The following CSK variants were observed in gnomAD, a reference collection of about 807,000 sequenced individuals.
The protein encoded by CSK is tyrosine-protein kinase CSK.
In CSK, 7 loss-of-function variants were observed where a neutral mutation model predicts 62.3. The observed-to-expected ratio is 0.11, with a 90% CI of 0.06 to 0.21. The LOEUF (loss-of-function observed/expected upper bound fraction) is 0.21, where lower values mean the gene tolerates loss of function less well. CSK is among the 10% of genes least tolerant of loss of function. The pLI is 1.00. For missense variants in CSK, 294 were observed against 613.5 expected (o/e 0.48, Z 5.50); for synonymous variants, 237 against 246.0 (o/e 0.96, Z 0.34).
rs764294944 is a variant in CSK, at chr15:74,798,251, A to G, written c.-47A>G. On this transcript the variant is annotated 5_prime_UTR_variant, in exon 2 of 13. Coordinates refer to ENST00000220003, the MANE Select transcript of CSK (RefSeq NM_004383.3). This position sits in a 1 kb window ranked among gnomAD's most constrained non-coding sequence, Gnocchi z 6.6. The stretch of plus-strand genomic sequence containing the variant: ...CCCACAGCTCTAATGGTACCAAGTG[A>G]CAGGTTGGCTTTACTGTGACTCGGG... 1.3e-6 allele frequency: 2 copies of G among 1,538,322 alleles called. No individual in the cohort carries two copies. The highest frequency in any genetic ancestry group is 1.7e-6 in the Non-Finnish European group (2 of 1,142,940).
At position 74,798,757 on chromosome 15, in the gene CSK, C is replaced by T. The variant is rs140178985; in HGVS notation, c.129+29C>T. ...ATCAGGTGACGCCCACCCCACCATCCCACTGCTGGGCCTTCCCTCTGCAGG... is the reference window on the plus strand; with the variant it reads ...ATCAGGTGACGCCCACCCCACCATCTCACTGCTGGGCCTTCCCTCTGCAGG... On this transcript the variant is annotated intron_variant, in intron 3 of 12. Transcript: ENST00000220003. The surrounding 1 kb of genome is among the most constrained non-coding windows in gnomAD (Gnocchi z 6.6). 6.2e-7 allele frequency: 1 copy of T among 1,608,728 alleles called. No homozygotes were observed.
intron 1 of CSK, among the ~76,000 whole-genome samples, chr15:74,796,715 A>G (rs976906809): frequency 4.6e-5 from 7 of 152,188 alleles, no homozygotes; most frequent in African/African-American, 1.4e-4. Flanking sequence ...GCAATGGTAC[A>G]GCTCAGTGAA....
intron 9 of CSK, among the ~76,000 whole-genome samples, 158 bp from the exon 10 acceptor site, chr15:74,801,364 C>T (rs2063789736): frequency 6.6e-6 from 1 of 152,160 alleles, no homozygotes; most frequent in Non-Finnish European, 1.5e-5. Flanking sequence ...GCATGAATAA[C>T]ACAGAGCAGT....
chr15:74,786,827 G>T (rs547189945), intron 1 of CSK, among the ~76,000 whole-genome samples: 1 of 152,308 alleles, frequency 6.6e-6, no homozygotes, highest in South Asian at 2.1e-4. Flanking sequence ...TAAGGAAGGG[G>T]TCCTCCCCCA....
intron 1 of CSK, among the ~76,000 whole-genome samples, chr15:74,791,259 T>TC (rs34080998): frequency 2.0e-5 from 3 of 152,320 alleles, no homozygotes; most frequent in South Asian, 2.1e-4. Context: ...GCTTTTTTTT[T>TC]CACAGCCTTT....
In CSK at chr15:74,802,789, T is replaced by C. The variant is rs984125598; in HGVS notation, c.*276T>C. The C allele has an allele frequency of 4.4e-4, 179 of 408,504 alleles. 3 individuals are homozygous for C. In the Admixed American group the frequency reaches 8.2e-3, roughly 19 times the overall value. 25.3% of individuals were successfully genotyped at this position (408,504 alleles called of 1,614,324 possible). On this transcript the variant is annotated 3_prime_UTR_variant, in exon 13 of 13. Coordinates refer to ENST00000220003, the MANE Select transcript of CSK (RefSeq NM_004383.3). ...TTCCCTGGCCTCCCGCCACTCGCCT[T>C]CTTAGAGTTTTATTCCTTTCCTTTT...
chr15:74,793,582 C>G (rs891393179), intron 1 of CSK, among the ~76,000 whole-genome samples: 10 of 152,178 alleles, frequency 6.6e-5, no homozygotes, highest in Non-Finnish European at 1.3e-4. Flanking sequence ...CCCTGTGGGC[C>G]TCACTTGGGG....
rs751293571 is a variant in CSK at position 74,798,955 on chromosome 15, G to A, written c.242+17G>A. The stretch of plus-strand genomic sequence containing the variant: ...CCTCATGCCGTGAGTACCACGAGGA[G>A]GGGTTGGGGAGGGAAGGGGCCTTGG... On this transcript the variant is annotated intron_variant, in intron 4 of 12. Coordinates refer to ENST00000220003, the MANE Select transcript of CSK (RefSeq NM_004383.3). The surrounding 1 kb of genome is among the most constrained non-coding windows in gnomAD (Gnocchi z 6.6). The A allele has an allele frequency of 3.4e-6, 5 of 1,489,120 alleles. No homozygotes were observed. The East Asian group carries it at 9.3e-5, about 28-fold the overall frequency. 92.2% of individuals were successfully genotyped at this position (1,489,120 alleles called of 1,614,324 possible). A position where few individuals can be genotyped will look rare whatever the true frequency, so the allele number is the denominator to read the frequency against.
At chr15:74,795,726 C>T (rs1027041088) in intron 1 of CSK, among the ~76,000 whole-genome samples, 5 of 152,090 alleles carry the variant, frequency 3.3e-5, no homozygotes, top group African/African-American at 1.2e-4. Context: ...CCTTGAACAA[C>T]ACAGGGGTTG....
chr15:74,798,061 T>C lies in CSK; in HGVS notation c.-65-172T>C. On this transcript the variant is annotated intron_variant, in intron 1 of 12. Coordinates refer to ENST00000220003, the MANE Select transcript of CSK (RefSeq NM_004383.3). This position sits in a 1 kb window ranked among gnomAD's most constrained non-coding sequence, Gnocchi z 6.6. ...TGCCCCTGGGGGTCCTCAGCCCTCA[T>C]GCTCCTCTACCCAGTACCGTCAGCC... is the stretch of plus-strand genomic sequence containing the variant. 2.1e-6 allele frequency: 1 copy of C among 485,286 alleles called. No homozygotes were observed. Among genetic ancestry groups the C allele is most frequent in the Non-Finnish European group, 3.7e-6 (1 of 272,956 alleles). 30.1% of individuals were successfully genotyped at this position (485,286 alleles called of 1,614,324 possible). A position where few individuals can be genotyped will look rare whatever the true frequency, so the allele number is the denominator to read the frequency against.
intron 1 of CSK, among the ~76,000 whole-genome samples, chr15:74,783,476 A>G (rs2063468873): frequency 6.6e-6 from 1 of 152,194 alleles, no homozygotes; most frequent in Admixed American, 6.5e-5. Context: ...ACACCCGGGA[A>G]CCGAGGCTCA....
chr15:74,796,465 A>G (rs918410345), intron 1 of CSK, among the ~76,000 whole-genome samples: 1 of 151,968 alleles, frequency 6.6e-6, no homozygotes, highest in Admixed American at 6.6e-5. Flanking sequence ...GTGGTGGCGC[A>G]TGCCTGTGGT....
intron 1 of CSK, among the ~76,000 whole-genome samples, chr15:74,794,324 A>C (rs1173943910): frequency 6.5e-5 from 4 of 61,986 alleles, no homozygotes; most frequent in Admixed American, 2.1e-4. Context: ...CGCCACCCCC[A>C]CCCCCACAGC....
In CSK at chr15:74,801,116, G is replaced by A. The variant is rs749999050; in HGVS notation, c.813+14G>A. 6 of 1,612,968 alleles carry A rather than the reference G, an allele frequency of 3.7e-6. No individual in the cohort carries two copies. The highest frequency in any genetic ancestry group is 2.2e-5 in the South Asian group (2 of 91,044). ...TACATGGCCAAGGTGGGCACCTGCCGAGACCCGGCACTCAGGCCTTCCAAC... is the reference window on the plus strand; with the variant it reads ...TACATGGCCAAGGTGGGCACCTGCCAAGACCCGGCACTCAGGCCTTCCAAC... On this transcript the variant is annotated intron_variant, in intron 9 of 12. Transcript: ENST00000220003.
At position 74,801,495 on chromosome 15, in the gene CSK, G is replaced by A. The variant is rs186589171; in HGVS notation, c.814-27G>A. 368 of 1,602,590 alleles carry A rather than the reference G, an allele frequency of 2.3e-4. 2 individuals are homozygous for A. The highest frequency in any genetic ancestry group is 1.9e-3 in the Admixed American group (112 of 59,126). ...AGGGCTGCAGGGCACGTCTGACCTC[G>A]GCCTGGTCTGTCCTTCCTGCCCCCA... On this transcript the variant is annotated intron_variant, in intron 9 of 12. Transcript: ENST00000220003.
Position 74,802,747 on chromosome 15 carries a change from G to A in CSK, c.*234G>A, listed in dbSNP as rs1008247220. 3.8e-5 allele frequency: 18 copies of A among 478,692 alleles called. No homozygotes were observed. The highest frequency in any genetic ancestry group is 2.5e-4 in the African/African-American group (12 of 48,878). The allele number at this position is 478,692 out of a possible 1,614,324, so 29.7% of individuals were successfully genotyped here. A position where few individuals can be genotyped will look rare whatever the true frequency, so the allele number is the denominator to read the frequency against. ...AGGAGGCCACGGAGCGGGAGGCAGCGCCCCACCACGTCGGGCTTCCCTGGC... is the reference window on the plus strand; with the variant it reads ...AGGAGGCCACGGAGCGGGAGGCAGCACCCCACCACGTCGGGCTTCCCTGGC... On this transcript the variant is annotated 3_prime_UTR_variant, in exon 13 of 13. Coordinates refer to ENST00000220003, the MANE Select transcript of CSK (RefSeq NM_004383.3).
Position 74,800,678 on chromosome 15 carries a change from C to CTCCTTCCCTGTCTCACACCTCCCTGG in CSK, c.557-3_557-2insTCCTTCCCTGTCTCACACCTCCCTGG. ...CCAGGCCCTCACTGGCCCCTCCCCA[C>CTCCTTCCCTGTCTCACACCTCCCTGG]AGGCGGCTGGGCCCTGAACATGAAG... On this transcript the variant is annotated splice_polypyrimidine_tract_variant and splice_region_variant and intron_variant, in intron 6 of 12. Transcript: ENST00000220003. The CTCCTTCCCTGTCTCACACCTCCCTGG allele has an allele frequency of 6.5e-7, 1 of 1,546,558 alleles. No homozygotes were observed. The highest frequency in any genetic ancestry group is 8.7e-7 in the Non-Finnish European group (1 of 1,143,790).
Position 74,786,000 on chromosome 15 carries a change from C to CTTTTTTTTTTTTTTTTTTTTTTTTT in CSK, c.-66+3281_-66+3282insTTTTTTTTTTTTTTTTTTTTTTTTT, listed in dbSNP as rs1232728038. The stretch of plus-strand genomic sequence containing the variant: ...CAAGGCCTCTTCTCTCTCTCTCTCT[C>CTTTTTTTTTTTTTTTTTTTTTTTTT]TCTTTTTTTTTTTTGTGTGTGTGTG... On this transcript the variant is annotated intron_variant, in intron 1 of 12. Coordinates refer to ENST00000220003, the MANE Select transcript of CSK (RefSeq NM_004383.3). Among the ~76,000 whole-genome samples the CTTTTTTTTTTTTTTTTTTTTTTTTT allele has an allele frequency of 8.3e-5, 5 of 59,936 alleles. 2 individuals are homozygous for CTTTTTTTTTTTTTTTTTTTTTTTTT. The highest frequency in any genetic ancestry group is 1.8e-4 in the Non-Finnish European group (5 of 27,462). 39.3% of individuals were successfully genotyped at this position (59,936 alleles called of 152,430 possible).
chr15:74,797,342 G>GAC (rs2063722021), intron 1 of CSK, among the ~76,000 whole-genome samples: 1 of 152,118 alleles, frequency 6.6e-6, no homozygotes, highest in Non-Finnish European at 1.5e-5. Context: ...GATCACCTGA[G>GAC]GTCAGGAGTT....
Sources: gnomAD v4.1 joint callset for allele counts (sites outside exome capture counted in the v4.1 genomes callset) on GRCh38, gnomAD v4.1.1 for gene constraint, Gnocchi (gnomAD v3.1) non-coding constraint, MANE v1.5 for transcripts, NCBI Gene and HGNC (gene_info 2026-07-23, HGNC 2026-07-21) for gene names.